PCDH15: variants seen among roughly 807,000 people sequenced by gnomAD.
PCDH15 encodes the protein protocadherin-15.
In PCDH15, 129 loss-of-function variants were observed where a neutral mutation model predicts 178.5. The observed-to-expected ratio is 0.72, with a 90% CI of 0.63 to 0.84. The LOEUF (loss-of-function observed/expected upper bound fraction) is 0.84. Among genes scored for constraint, PCDH15 ranks in the 40% least tolerant of loss-of-function variants. The pLI is 0.00. For synonymous variants in PCDH15, 800 were observed against 732.0 expected, an observed-to-expected ratio of 1.09 and a Z score of -1.50; for missense variants, 2,230 against 2,099.9, an observed-to-expected ratio of 1.06 and a Z score of -1.21.
At chr10:55,563,881 C>T (rs917535275) in intron 2 of PCDH15, among the ~76,000 whole-genome samples, 3 of 151,926 alleles carry the variant, frequency 2.0e-5, no homozygotes, top group African/African-American at 7.2e-5. Flanking sequence ...TATTCTCATA[C>T]ATAAACTAAG....
intron 13 of PCDH15, among the ~76,000 whole-genome samples, chr10:54,168,371 C>A (rs1285900832): frequency 2.0e-5 from 3 of 151,926 alleles, no homozygotes; most frequent in Non-Finnish European, 2.9e-5. Flanking sequence ...CCCCAAGCAT[C>A]GCTGAGTCTT....
At position 54,818,639 on chromosome 10, in the gene PCDH15, G is replaced by C. The variant is rs188901589; in HGVS notation, c.-29+78811C>G. Among the ~76,000 whole-genome samples, 18 of 152,138 alleles carry C rather than the reference G, an allele frequency of 1.2e-4. No individual in the cohort carries two copies. The East Asian group carries it at 3.1e-3, about 26-fold the overall frequency. ...ATTATGCCAGGCCGACAGAATAAAT[G>C]AAGAGTTTCTGAGATTACATGAAGA... On this transcript the variant is annotated intron_variant, in intron 3 of 5. Coordinates refer to the PCDH15 transcript ENST00000458638.
chr10:54,114,056 G>T (rs2095071373), intron 15 of PCDH15, among the ~76,000 whole-genome samples: 1 of 152,136 alleles, frequency 6.6e-6, no homozygotes, highest in African/African-American at 2.4e-5. Context: ...CTGCCACCTG[G>T]TCCCTCCCAC....
intron 23 of PCDH15, among the ~76,000 whole-genome samples, chr10:53,945,879 A>C (rs956348380): frequency 1.2e-4 from 12 of 98,874 alleles, no homozygotes; most frequent in African/African-American, 2.0e-4. Context: ...ATATATATAT[A>C]TATCACATTT....
At chr10:55,498,961 A>G (rs1364629492) in intron 2 of PCDH15, among the ~76,000 whole-genome samples, 3 of 151,912 alleles carry the variant, frequency 2.0e-5, no homozygotes, top group African/African-American at 7.2e-5. Flanking sequence ...AATGGTAGGT[A>G]TCCTCTAGGA....
At chr10:55,080,722 C>A (rs1353657634) in intron 2 of PCDH15, among the ~76,000 whole-genome samples, 1 of 152,116 alleles carries the variant, frequency 6.6e-6, no homozygotes, top group African/African-American at 2.4e-5. Flanking sequence ...CCAGCTCACC[C>A]ACCCCAGTCC....
intron 3 of PCDH15, among the ~76,000 whole-genome samples, chr10:54,810,841 T>A (rs1035587711): frequency 1.3e-5 from 2 of 152,150 alleles, no homozygotes; most frequent in African/African-American, 4.8e-5. Flanking sequence ...ATAGGCTAAT[T>A]TTTGAGAAAA....
chr10:55,551,908 C>T (rs937347030), intron 2 of PCDH15, among the ~76,000 whole-genome samples: 5 of 151,662 alleles, frequency 3.3e-5, no homozygotes, highest in Admixed American at 2.0e-4. Flanking sequence ...GTCCACTTTC[C>T]CTTTACTTGT....
intron 3 of PCDH15, among the ~76,000 whole-genome samples, chr10:54,808,394 T>C (rs1952812326): frequency 6.6e-6 from 1 of 152,206 alleles, no homozygotes; most frequent in Non-Finnish European, 1.5e-5. Flanking sequence ...ATACAGAGTC[T>C]GAGTTACTGC....
At chr10:54,198,495 CTT>C (rs1186240206) in intron 10 of PCDH15, among the ~76,000 whole-genome samples, 4 of 31,172 alleles carry the variant, frequency 1.3e-4, no homozygotes, top group African/African-American at 5.9e-4. Context: ...TCTAATTATT[CTT>C]TTTTTTTTTT....
intron 26 of PCDH15, among the ~76,000 whole-genome samples, chr10:53,899,096 A>G (rs369123012): frequency 1.4e-5 from 2 of 146,414 alleles, no homozygotes; most frequent in African/African-American, 5.0e-5. Context: ...TATTTTGTCC[A>G]TCTAGATTTA....
intron 1 of PCDH15, among the ~76,000 whole-genome samples, chr10:55,240,354 T>G (rs1245109652): frequency 6.6e-6 from 1 of 152,166 alleles, no homozygotes; most frequent in Non-Finnish European, 1.5e-5. Context: ...TTTTATCTAC[T>G]CAACAATTGT....
intron 1 of PCDH15, among the ~76,000 whole-genome samples, chr10:54,686,164 C>T (rs2095001542): frequency 6.7e-6 from 1 of 148,946 alleles, no homozygotes; most frequent in Non-Finnish European, 1.5e-5. Flanking sequence ...GTGTGAGCCA[C>T]CGCACTCGGC....
chr10:54,664,221 C>G lies in PCDH15; in HGVS notation c.42G>C (p.Gly14=), dbSNP rs1043975803. The change falls in exon 2 of 38, where the codon GGG becomes GGC. Residue 14 remains glycine, a synonymous_variant. Transcript: ENST00000644397. Reference sequence around the variant, plus strand: ...TTTCAAAGAGAGAGCCCAGGATGATCCCTGAAGCTAAACATGTCCAGAGAT... The same window carrying G: ...TTTCAAAGAGAGAGCCCAGGATGATGCCTGAAGCTAAACATGTCCAGAGAT... The part of the protein sequence containing the change: ...QFYLWTCLAS[G]IILGSLFEIC... 6.2e-7 allele frequency: 1 copy of G among 1,612,180 alleles called. No individual in the cohort carries two copies.
At chr10:55,569,767 T>C (rs1034364552) in intron 2 of PCDH15, among the ~76,000 whole-genome samples, 2 of 151,974 alleles carry the variant, frequency 1.3e-5, no homozygotes, top group African/African-American at 4.8e-5. Context: ...TAATAAAAAG[T>C]ATGATATTTA....
In PCDH15 at chr10:53,900,430, A is replaced by G. The variant is rs570123642; in HGVS notation, c.3501+2813T>C. Among the ~76,000 whole-genome samples the G allele has an allele frequency of 5.3e-5, 8 of 152,252 alleles. No individual in the cohort carries two copies. In the South Asian group the frequency reaches 1.7e-3, roughly 32 times the overall value. ...GAGACACAATCAATCCCAACACTGT[A>G]TACTTCATCTGAAGAAGTCCATGCA... On this transcript the variant is annotated intron_variant, in intron 26 of 37. Transcript: ENST00000644397.
chr10:53,815,984 C>T (rs2076047628), intron 35 of PCDH15, among the ~76,000 whole-genome samples: 1 of 152,066 alleles, frequency 6.6e-6, no homozygotes, highest in Non-Finnish European at 1.5e-5. Flanking sequence ...ATGAATGGCC[C>T]GTATTTATTA....
intron 32 of PCDH15, among the ~76,000 whole-genome samples, chr10:53,827,082 T>C (rs541709015): frequency 6.6e-6 from 1 of 151,822 alleles, no homozygotes; most frequent in East Asian, 1.9e-4. Flanking sequence ...ATACATTATA[T>C]ATATGTAAAA....
At chr10:54,348,459 C>G (rs76697607) in intron 5 of PCDH15, among the ~76,000 whole-genome samples, 1 of 152,020 alleles carries the variant, frequency 6.6e-6, no homozygotes, top group Non-Finnish European at 1.5e-5. Context: ...TCCAAGCTGA[C>G]GTTCAATATT....
Sources: allele counts gnomAD v4.1 joint callset (sites outside exome capture counted in the v4.1 genomes callset), GRCh38; gene constraint gnomAD v4.1.1; transcripts MANE v1.5; gene names NCBI Gene and HGNC (gene_info 2026-07-23, HGNC 2026-07-21).